Variants in RSPO3 observed in about 807,000 individuals in gnomAD.
RSPO3 encodes R-spondin 3.
RSPO3 carries 17 observed loss-of-function variants against 36.5 expected under a neutral mutation model. That is an observed-to-expected ratio of 0.47 (90% CI 0.32 to 0.70). The LOEUF is 0.70. RSPO3 is among the 30% of genes least tolerant of loss of function. RSPO3 has a pLI of 0.04. For synonymous variants in RSPO3, 108 were observed against 107.0 expected, an observed-to-expected ratio of 1.01 and a Z score of -0.06; for missense variants, 294 against 322.5, an observed-to-expected ratio of 0.91 and a Z score of 0.68.
intron 3 of RSPO3, among the ~76,000 whole-genome samples, chr6:127,151,379 T>C (rs1213428174): frequency 6.6e-6 from 1 of 151,986 alleles, no homozygotes; most frequent in Non-Finnish European, 1.5e-5. Context: ...AGCTACAACT[T>C]TGATGAACAC....
intron 3 of RSPO3, among the ~76,000 whole-genome samples, chr6:127,151,149 C>T (rs940998971): frequency 2.6e-5 from 4 of 151,872 alleles, no homozygotes; most frequent in African/African-American, 9.7e-5. Flanking sequence ...CTCTTTTTCT[C>T]TCATACTGCT....
At chr6:127,127,723 C>T (rs1562239668) in intron 1 of RSPO3, among the ~76,000 whole-genome samples, 4 of 152,196 alleles carry the variant, frequency 2.6e-5, no homozygotes, top group Admixed American at 2.6e-4. Flanking sequence ...CTTCACTCCA[C>T]CTTAACATTA....
chr6:127,172,323 A>T (rs9491703), intron 4 of RSPO3, among the ~76,000 whole-genome samples: 69,819 of 150,938 alleles, frequency 0.46, 16,390 homozygotes, highest in East Asian at 0.53. Context: ...ATCAGAAATT[A>T]AAAAAAATAT....
intron 1 of RSPO3, among the ~76,000 whole-genome samples, chr6:127,144,181 T>C (rs929694404): frequency 8.5e-5 from 13 of 152,216 alleles, no homozygotes; most frequent in South Asian, 6.2e-4. Context: ...GTTCCCTCTT[T>C]CTTAATTCTA....
At chr6:127,171,241 A>G (rs1226998728) in intron 4 of RSPO3, among the ~76,000 whole-genome samples, 2 of 151,714 alleles carry the variant, frequency 1.3e-5, no homozygotes, top group African/African-American at 4.8e-5. Flanking sequence ...ACAGAAAAGC[A>G]CAGTATTTTT....
intron 1 of RSPO3, among the ~76,000 whole-genome samples, chr6:127,120,683 G>A (rs940961588): frequency 6.6e-6 from 1 of 152,224 alleles, no homozygotes; most frequent in Non-Finnish European, 1.5e-5. Context: ...TGCTGGCCTC[G>A]GCCAGACAAG....
chr6:127,183,888 G>A (rs939468710), intron 4 of RSPO3, among the ~76,000 whole-genome samples: 3 of 151,894 alleles, frequency 2.0e-5, no homozygotes, highest in Non-Finnish European at 4.4e-5. Flanking sequence ...AAGGAAACAG[G>A]TTTAATTGAC....
rs200728359 is a variant in RSPO3 at position 127,195,931 on chromosome 6, G to A, written c.743G>A (p.Arg248Gln). The change falls in exon 5 of 5, where the codon CGA becomes CAA. Residue 248 changes from arginine to glutamine, a missense_variant. Arg to Gln is a conservative substitution (Grantham distance 43, BLOSUM62 1). This residue lies in a region of RSPO3 where 190 missense variants were observed against 185.2 expected (regional missense o/e 1.03). Transcript: ENST00000356698. ...TCCAGCAAAGAAATCCCAGAGCAACGAGAAAACAAACAGCAGCAGAAGAAG... is the reference window on the plus strand; with the variant it reads ...TCCAGCAAAGAAATCCCAGAGCAACAAGAAAACAAACAGCAGCAGAAGAAG... Reference protein sequence around the residue: ...LESSKEIPEQRENKQQQKKRK... With the variant: ...LESSKEIPEQQENKQQQKKRK... 379 of 1,613,056 alleles carry A rather than the reference G, an allele frequency of 2.3e-4. 1 individual carries two copies. The Admixed American group carries it at 3.0e-3, about 13-fold the overall frequency.
At chr6:127,179,587 T>G (rs1408716381) in intron 4 of RSPO3, among the ~76,000 whole-genome samples, 1 of 151,856 alleles carries the variant, frequency 6.6e-6, no homozygotes, top group Non-Finnish European at 1.5e-5. Context: ...AAAGTTGGGT[T>G]TGTATTAGTT....
At chr6:127,123,683 A>G (rs1477535875) in intron 1 of RSPO3, among the ~76,000 whole-genome samples, 1 of 152,126 alleles carries the variant, frequency 6.6e-6, no homozygotes, top group Non-Finnish European at 1.5e-5. Flanking sequence ...TCAAGTAATG[A>G]GAATGTAAGA....
chr6:127,157,251 C>T (rs1380451546), intron 4 of RSPO3, among the ~76,000 whole-genome samples: 2 of 152,064 alleles, frequency 1.3e-5, no homozygotes, highest in African/African-American at 4.8e-5. Context: ...TACAGGTGGT[C>T]TTTGCTCATA....
At chr6:127,162,097 A>C (rs1389911493) in intron 4 of RSPO3, among the ~76,000 whole-genome samples, 1 of 152,148 alleles carries the variant, frequency 6.6e-6, no homozygotes, top group Non-Finnish European at 1.5e-5. Flanking sequence ...GAGGTCCTAC[A>C]GCCTTCCAAA....
rs1174035307 is a variant in RSPO3, at chr6:127,119,142, T to A, written c.-51T>A. On this transcript the variant is annotated 5_prime_UTR_variant, in exon 1 of 5. Coordinates refer to ENST00000356698, the MANE Select transcript of RSPO3 (RefSeq NM_032784.5). ...TATATTTTAAAAACATTAAATATAA[T>A]TAACAATCAAAAGAAAGAGGAGAAA... The A allele has an allele frequency of 1.5e-6, 2 of 1,343,240 alleles. No individual in the cohort carries two copies. The highest frequency in any genetic ancestry group is 1.5e-5 in the African/African-American group (1 of 68,542). 83.2% of individuals were successfully genotyped at this position (1,343,240 alleles called of 1,614,324 possible).
chr6:127,149,658 GTTT>G (rs1251192680), intron 2 of RSPO3, among the ~76,000 whole-genome samples: 1 of 151,804 alleles, frequency 6.6e-6, no homozygotes, highest in Admixed American at 6.6e-5. Flanking sequence ...ATTTGCTGTT[GTTT>G]TTTTGTTTTG....
intron 4 of RSPO3, among the ~76,000 whole-genome samples, chr6:127,164,096 A>T (rs770217249): frequency 1.3e-5 from 2 of 152,042 alleles, no homozygotes; most frequent in Non-Finnish European, 2.9e-5. Flanking sequence ...ATAAAAAAGG[A>T]TAGTGCTCTC....
At chr6:127,179,710 T>C (rs1775142144) in intron 4 of RSPO3, among the ~76,000 whole-genome samples, 1 of 151,864 alleles carries the variant, frequency 6.6e-6, no homozygotes, top group Non-Finnish European at 1.5e-5. Flanking sequence ...CATGCTAAAA[T>C]CAAGGCATCA....
intron 1 of RSPO3, among the ~76,000 whole-genome samples, chr6:127,133,897 T>C (rs553634098): frequency 6.6e-6 from 1 of 152,276 alleles, no homozygotes; most frequent in Non-Finnish European, 1.5e-5. Context: ...CTTGTAGTAT[T>C]TCACAGTGGT....
At chr6:127,124,684 A>G (rs1399254595) in intron 1 of RSPO3, among the ~76,000 whole-genome samples, 2 of 152,048 alleles carry the variant, frequency 1.3e-5, no homozygotes, top group African/African-American at 4.8e-5. Flanking sequence ...CAACCTAGTA[A>G]ATTTGAAATG....
At chr6:127,162,240 T>C (rs1323326328) in intron 4 of RSPO3, among the ~76,000 whole-genome samples, 1 of 152,104 alleles carries the variant, frequency 6.6e-6, no homozygotes, top group Admixed American at 6.6e-5. Flanking sequence ...ACAGATTTTA[T>C]CTCTTGGCAG....
Sources: allele counts gnomAD v4.1 joint callset (sites outside exome capture counted in the v4.1 genomes callset), GRCh38; gene constraint gnomAD v4.1.1; regional missense constraint gnomAD v4.1.1; transcripts MANE v1.5; gene names NCBI Gene and HGNC (gene_info 2026-07-23, HGNC 2026-07-21).